Variants in ITGA9 observed in about 807,000 individuals in gnomAD.
The protein encoded by ITGA9 is integrin subunit alpha 9, also known as integrin alpha-9.
ITGA9 carries 56 observed loss-of-function variants against 127.8 expected under a neutral mutation model. The observed-to-expected ratio is 0.44, with a 90% confidence interval of 0.35 to 0.55. The LOEUF is 0.55. Ranked by LOEUF, ITGA9 falls within the 20% of genes least tolerant of loss-of-function variation. ITGA9 has a pLI of 0.00. For missense variants in ITGA9, 1,196 were observed against 1,347.1 expected, an observed-to-expected ratio of 0.89 and a Z score of 1.76; for synonymous variants, 508 against 514.5, an observed-to-expected ratio of 0.99 and a Z score of 0.17.
intron 20 of ITGA9, among the ~76,000 whole-genome samples, chr3:37,740,311 C>T (rs983870089): frequency 4.6e-5 from 7 of 152,096 alleles, no homozygotes; most frequent in African/African-American, 9.7e-5. Context: ...TTTTCTTCCG[C>T]CCATGCAGGG....
intron 23 of ITGA9, among the ~76,000 whole-genome samples, chr3:37,768,302 C>T (rs747444123): frequency 1.3e-5 from 2 of 152,082 alleles, no homozygotes; most frequent in Non-Finnish European, 2.9e-5. Flanking sequence ...AACTAGACAC[C>T]TTAGGTCAGG....
chr3:37,748,620 A>G (rs2125536837), intron 22 of ITGA9: 2 of 499,608 alleles, frequency 4.0e-6, no homozygotes, highest in East Asian at 3.6e-5. Flanking sequence ...GGTGGCAGCC[A>G]CCTGTAATCC....
At chr3:37,506,126 A>T (rs1698841664) in intron 7 of ITGA9, 41 bp downstream of exon 7, 7 of 1,396,902 alleles carry the variant, frequency 5.0e-6, no homozygotes, top group Admixed American at 1.9e-5. Flanking sequence ...GTCAGACAGA[A>T]GAGGGGAGCA....
chr3:37,645,930 C>T (rs946646395), intron 16 of ITGA9, among the ~76,000 whole-genome samples: 19 of 152,226 alleles, frequency 1.2e-4, no homozygotes, highest in East Asian at 1.9e-4. Flanking sequence ...CAGCCAGGAG[C>T]GGACACTGAG....
chr3:37,481,847 C>T (rs1698559064), intron 4 of ITGA9, among the ~76,000 whole-genome samples: 1 of 152,206 alleles, frequency 6.6e-6, no homozygotes, highest in African/African-American at 2.4e-5. Context: ...GCTGCAGAGC[C>T]CACGGTGCTT....
At chr3:37,686,430 C>T (rs908733260) in intron 18 of ITGA9, among the ~76,000 whole-genome samples, 1 of 152,160 alleles carries the variant, frequency 6.6e-6, no homozygotes, top group Non-Finnish European at 1.5e-5. Context: ...TCGTCATTGG[C>T]CACTGGAGGG....
chr3:37,707,616 G>T (rs1205029495), intron 18 of ITGA9, among the ~76,000 whole-genome samples: 1 of 152,182 alleles, frequency 6.6e-6, no homozygotes, highest in Non-Finnish European at 1.5e-5. Flanking sequence ...GATCACCTGT[G>T]CACATTCTGC....
chr3:37,664,317 T>G (rs1043568386), intron 17 of ITGA9, among the ~76,000 whole-genome samples: 1 of 152,050 alleles, frequency 6.6e-6, no homozygotes, highest in East Asian at 1.9e-4. Context: ...TCTCCCCATG[T>G]GCTGTCTGAC....
chr3:37,579,990 G>T (rs1175193288), intron 15 of ITGA9, among the ~76,000 whole-genome samples: 2 of 152,168 alleles, frequency 1.3e-5, no homozygotes, highest in African/African-American at 4.8e-5. Context: ...TAATGATAAA[G>T]AATCTAATAG....
intron 1 of ITGA9, among the ~76,000 whole-genome samples, chr3:37,453,658 G>A (rs904721204): frequency 9.9e-5 from 15 of 152,190 alleles, no homozygotes; most frequent in Non-Finnish European, 1.8e-4. Context: ...GTCCTTAGGG[G>A]TGGCAGGCAG....
At chr3:37,636,119 T>A (rs1397984730) in intron 16 of ITGA9, among the ~76,000 whole-genome samples, 1 of 152,182 alleles carries the variant, frequency 6.6e-6, no homozygotes, top group South Asian at 2.1e-4. Flanking sequence ...TATAGCAGCA[T>A]GATTTATAAT....
chr3:37,682,237 A>G (rs986036875), intron 17 of ITGA9, among the ~76,000 whole-genome samples: 1 of 152,146 alleles, frequency 6.6e-6, no homozygotes, highest in Non-Finnish European at 1.5e-5. Context: ...CTCCTCCTAC[A>G]TCTCTGAAAC....
At chr3:37,545,525 G>A (rs1453915259) in intron 15 of ITGA9, among the ~76,000 whole-genome samples, 2 of 152,192 alleles carry the variant, frequency 1.3e-5, no homozygotes, top group South Asian at 2.1e-4. Flanking sequence ...GGGCACCTCC[G>A]GAGGGTATAG....
intron 26 of ITGA9, among the ~76,000 whole-genome samples, chr3:37,796,342 C>T (rs1354828459): frequency 6.6e-6 from 1 of 152,072 alleles, no homozygotes; most frequent in Non-Finnish European, 1.5e-5. Context: ...ATTTATTTTT[C>T]TAATTGACTA....
chr3:37,498,031 G>A (rs955182122), intron 5 of ITGA9, among the ~76,000 whole-genome samples: 1 of 152,212 alleles, frequency 6.6e-6, no homozygotes, highest in African/African-American at 2.4e-5. Context: ...GAAATGTCAA[G>A]GGGCTGGGTG....
intron 17 of ITGA9, among the ~76,000 whole-genome samples, chr3:37,678,313 C>G (rs1700702598): frequency 6.6e-6 from 1 of 152,212 alleles, no homozygotes; most frequent in African/African-American, 2.4e-5. Context: ...GTTTCAATTT[C>G]TCCACATTCT....
At chr3:37,716,886 C>T (rs554337614) in intron 18 of ITGA9, among the ~76,000 whole-genome samples, 35 of 152,178 alleles carry the variant, frequency 2.3e-4, no homozygotes, top group South Asian at 1.9e-3. Context: ...AAAAGGGACA[C>T]ATAACTTCAT....
intron 8 of ITGA9, 120 bp downstream of exon 8, chr3:37,508,747 C>A: frequency 1.3e-6 from 1 of 764,168 alleles, no homozygotes; most frequent in Non-Finnish European, 2.3e-6. Context: ...TATGGCAGTG[C>A]TGTCTGCTTG....
chr3:37,513,097 A>G (rs978616426), intron 8 of ITGA9, among the ~76,000 whole-genome samples: 1 of 151,994 alleles, frequency 6.6e-6, no homozygotes, highest in African/African-American at 2.4e-5. Context: ...TGTAACATTT[A>G]TTTTCATGCC....
Sources: gnomAD v4.1 joint callset for allele counts (sites outside exome capture counted in the v4.1 genomes callset) on GRCh38, gnomAD v4.1.1 for gene constraint, MANE v1.5 for transcripts, NCBI Gene and HGNC (gene_info 2026-07-23, HGNC 2026-07-21) for gene names.